The following KATNIP variants were observed in gnomAD, a reference collection of about 807,000 sequenced individuals.
The protein encoded by KATNIP is katanin-interacting protein.
A neutral mutation model predicts 174.0 loss-of-function variants in KATNIP; 126 were observed. That is an observed-to-expected ratio of 0.72 (90% CI 0.63 to 0.84). KATNIP has a LOEUF of 0.84. KATNIP is among the 40% of genes least tolerant of loss of function. KATNIP has a pLI of 0.00. For synonymous variants in KATNIP, 810 were observed against 835.7 expected, an observed-to-expected ratio of 0.97 and a Z score of 0.53; for missense variants, 1,958 against 2,109.7, an observed-to-expected ratio of 0.93 and a Z score of 1.41.
At chr16:27,768,760 A>G (rs552758208) in intron 20 of KATNIP, among the ~76,000 whole-genome samples, 3 of 152,302 alleles carry the variant, frequency 2.0e-5, no homozygotes, top group Admixed American at 6.5e-5. Flanking sequence ...TGTAACTGAC[A>G]TAGAGGGGCT....
intron 3 of KATNIP, among the ~76,000 whole-genome samples, chr16:27,622,511 A>C (rs2076226012): frequency 6.6e-6 from 1 of 152,200 alleles, no homozygotes; most frequent in Admixed American, 6.5e-5. Flanking sequence ...TCGACTGAGA[A>C]GATGAGGGCC....
At chr16:27,623,105 C>T (rs528045809) in intron 3 of KATNIP, among the ~76,000 whole-genome samples, 1 of 152,178 alleles carries the variant, frequency 6.6e-6, no homozygotes, top group African/African-American at 2.4e-5. Flanking sequence ...GACTCAAATG[C>T]CACCCCCTCC....
chr16:27,673,608 T>C (rs1238649852), intron 6 of KATNIP, among the ~76,000 whole-genome samples: 1 of 152,296 alleles, frequency 6.6e-6, no homozygotes. Flanking sequence ...CATTCTGTTA[T>C]GTTTAGCAGC....
chr16:27,618,535 T>C (rs1422884583), intron 3 of KATNIP, 34 bp downstream of exon 3: 3 of 1,455,936 alleles, frequency 2.1e-6, no homozygotes, highest in Admixed American at 1.7e-5. Context: ...GCCCTTGATA[T>C]TAGCGAAGTA....
At chr16:27,710,352 G>A (rs777476862) in intron 13 of KATNIP, among the ~76,000 whole-genome samples, 3 of 152,022 alleles carry the variant, frequency 2.0e-5, no homozygotes, top group African/African-American at 7.2e-5. Flanking sequence ...GCAGGACTCC[G>A]TCTCAACAAA....
At chr16:27,654,032 G>A (rs1416226754) in intron 6 of KATNIP, among the ~76,000 whole-genome samples, 1 of 152,156 alleles carries the variant, frequency 6.6e-6, no homozygotes. Flanking sequence ...CTGGAGTGCA[G>A]TGGTGAGATC....
At chr16:27,585,680 A>G (rs886508909) in intron 2 of KATNIP, among the ~76,000 whole-genome samples, 1 of 152,234 alleles carries the variant, frequency 6.6e-6, no homozygotes, top group African/African-American at 2.4e-5. Context: ...AGAAAGACAA[A>G]CTTCACATGT....
intron 1 of KATNIP, among the ~76,000 whole-genome samples, chr16:27,550,547 A>G (rs2089307151): frequency 6.6e-6 from 1 of 152,142 alleles, no homozygotes; most frequent in East Asian, 1.9e-4. Context: ...TGGGAGTGCA[A>G]TCGTCAGGTG....
intron 8 of KATNIP, among the ~76,000 whole-genome samples, chr16:27,691,588 C>G (rs2078735914): frequency 6.6e-6 from 1 of 152,208 alleles, no homozygotes; most frequent in African/African-American, 2.4e-5. Flanking sequence ...TGAGGGAGTG[C>G]ACAGAGGGAA....
At chr16:27,579,894 A>G (rs574310775) in intron 2 of KATNIP, among the ~76,000 whole-genome samples, 1 of 151,944 alleles carries the variant, frequency 6.6e-6, no homozygotes, top group South Asian at 2.1e-4. Flanking sequence ...CCTGCTAGTA[A>G]CAGAGACTTC....
intron 11 of KATNIP, 115 bp from the exon 12 acceptor site, chr16:27,703,781 G>C: frequency 1.3e-6 from 1 of 792,354 alleles, no homozygotes; most frequent in Non-Finnish European, 2.2e-6. Context: ...GATACAGAGT[G>C]CATACTTCCC....
chr16:27,551,752 C>G (rs2089382037), intron 1 of KATNIP, among the ~76,000 whole-genome samples: 1 of 152,028 alleles, frequency 6.6e-6, no homozygotes, highest in Non-Finnish European at 1.5e-5. Context: ...TGACACATGT[C>G]TGTAATCCCA....
chr16:27,613,208 A>G (rs893045705), intron 2 of KATNIP, among the ~76,000 whole-genome samples: 9 of 152,214 alleles, frequency 5.9e-5, no homozygotes, highest in African/African-American at 2.2e-4. Flanking sequence ...CAGGAAGTTG[A>G]GGCTGCAGTG....
At chr16:27,629,402 T>C (rs1206758550) in intron 4 of KATNIP, among the ~76,000 whole-genome samples, 1 of 152,224 alleles carries the variant, frequency 6.6e-6, no homozygotes, top group Non-Finnish European at 1.5e-5. Flanking sequence ...TTTAAGGAAA[T>C]GTCTAGGGAA....
At chr16:27,603,258 A>G (rs145037093) in intron 2 of KATNIP, among the ~76,000 whole-genome samples, 3,682 of 152,334 alleles carry the variant, frequency 0.024, 73 homozygotes, top group Middle Eastern at 0.075. Flanking sequence ...CCTAGATTTT[A>G]GCAGAACTCA....
rs759950998 is a variant in KATNIP, at chr16:27,777,263, C to T, written c.4551+234C>T. Among the ~76,000 whole-genome samples the T allele has an allele frequency of 5.3e-5, 8 of 152,154 alleles. No homozygotes were observed. Among genetic ancestry groups the T allele is most frequent in the Non-Finnish European group, 1.2e-4 (8 of 68,022 alleles). On this transcript the variant is annotated intron_variant, in intron 25 of 27. Transcript: ENST00000261588. The surrounding 1 kb of genome is among the most constrained non-coding windows in gnomAD (Gnocchi z 4.4). ...AAAGTGGGTTTTCTTTCGTCTTTTC[C>T]TCTAGAATCCCACTGGTTTGGGGCG...
At chr16:27,591,754 G>T (rs2075174926) in intron 2 of KATNIP, among the ~76,000 whole-genome samples, 1 of 152,230 alleles carries the variant, frequency 6.6e-6, no homozygotes. Context: ...CACTCATTTT[G>T]TGCCATGGTA....
At chr16:27,676,727 A>G (rs2078131351) in intron 6 of KATNIP, among the ~76,000 whole-genome samples, 1 of 152,240 alleles carries the variant, frequency 6.6e-6, no homozygotes, top group South Asian at 2.1e-4. Flanking sequence ...GCTAGAGTAC[A>G]GTGGCAATCA....
At position 27,677,738 on chromosome 16, in the gene KATNIP, A is replaced by T; in HGVS notation, c.550A>T (p.Arg184Ter). 1 of 1,604,240 alleles carries T rather than the reference A, an allele frequency of 6.2e-7. No homozygotes were observed. The highest frequency in any genetic ancestry group is 8.5e-7 in the Non-Finnish European group (1 of 1,171,698). ...TCTGGGCTTTTTGCAGGAGCTGAGA[A>T]GAAGCCTGGAACTTAGTGTAAATCT... ...TSEDRPQELRRSLELSVNLQR... is the reference protein window; with the variant it reads ...TSEDRPQELR Residue 184 changes from arginine (R) to a stop codon, truncating the protein, a stop_gained, in exon 7 of 28, where the codon AGA becomes TGA. Transcript: ENST00000261588. LOFTEE classifies it high-confidence loss of function.
Sources: gnomAD v4.1 joint callset for allele counts (sites outside exome capture counted in the v4.1 genomes callset) on GRCh38, gnomAD v4.1.1 for gene constraint, Gnocchi (gnomAD v3.1) non-coding constraint, MANE v1.5 for transcripts, NCBI Gene and HGNC (gene_info 2026-07-23, HGNC 2026-07-21) for gene names.